Variants in SIDT2 observed in about 807,000 individuals in gnomAD.
SIDT2 encodes the protein SID1 transmembrane family member 2, also known as SID1 transmembrane family, member 2.
Under a neutral mutation model 114.4 loss-of-function variants are expected in SIDT2, and 68 were observed. The ratio of observed to expected loss-of-function variants is 0.59; its 90% CI spans 0.49 to 0.73. SIDT2 has a LOEUF of 0.73. Among genes scored for constraint, SIDT2 ranks in the 30% least tolerant of loss-of-function variants. The probability of loss-of-function intolerance (pLI) is 0.00; values close to 1 mark genes in which losing one functional copy is unlikely to be tolerated. For missense variants in SIDT2, 918 were observed against 1,097.1 expected (o/e 0.84, Z 2.31); for synonymous variants, 470 against 438.4 (o/e 1.07, Z -0.90).
rs139936720 is a variant in SIDT2, at chr11:117,196,263, G to A, written c.*197G>A. 1.9e-5 allele frequency: 13 copies of A among 689,804 alleles called. 1 individual carries two copies. Among genetic ancestry groups the A allele is most frequent in the African/African-American group, 1.3e-4 (7 of 55,588 alleles). The allele number at this position is 689,804 out of a possible 1,614,324, so 42.7% of individuals were successfully genotyped here. A position where few individuals can be genotyped will look rare whatever the true frequency, so the allele number is the denominator to read the frequency against. ...TGGAACCTTGCAGCTGCCCTCTGCC[G>A]AGGAGCAGGCCTGCTCCCCTGGAAC... On this transcript the variant is annotated 3_prime_UTR_variant, in exon 26 of 26. Transcript: ENST00000324225. This position sits in a 1 kb window ranked among gnomAD's most constrained non-coding sequence, Gnocchi z 4.9.
chr11:117,186,622 C>T lies in SIDT2; in HGVS notation c.1001C>T (p.Ala334Val). 6.4e-7 allele frequency: 1 copy of T among 1,568,826 alleles called. No homozygotes were observed. The highest frequency in any genetic ancestry group is 8.6e-7 in the Non-Finnish European group (1 of 1,161,414). Residue 334 changes from alanine (A) to valine (V), a missense_variant, in exon 10 of 26, where the codon GCC becomes GTC. Ala to Val is a moderately conservative substitution (Grantham distance 64, BLOSUM62 0). Transcript: ENST00000324225. ...ACCCTGCTGGTGGCCATTGACCGAG[C>T]CTGCCCAGAAAGCGGTACCTCCAGG... Reference protein sequence around the residue: ...KKTLLVAIDRACPESGHPRVL... With the variant: ...KKTLLVAIDRVCPESGHPRVL...
chr11:117,192,061 C>G lies in SIDT2; in HGVS notation c.1872+47C>G. ...CTCAGCCTGTATGATAGGAAAGGTGCACGTGCGTTCAGACACGTAGTGCAC... is the reference window on the plus strand; with the variant it reads ...CTCAGCCTGTATGATAGGAAAGGTGGACGTGCGTTCAGACACGTAGTGCAC... On this transcript the variant is annotated intron_variant, in intron 19 of 25. Transcript: ENST00000324225. This position sits in a 1 kb window ranked among gnomAD's most constrained non-coding sequence, Gnocchi z 5.9. 1 of 1,610,304 alleles carries G rather than the reference C, an allele frequency of 6.2e-7. No homozygotes were observed. The highest frequency in any genetic ancestry group is 8.5e-7 in the Non-Finnish European group (1 of 1,177,722).
intron 1 of SIDT2, among the ~76,000 whole-genome samples, chr11:117,180,127 T>C (rs2030219348): frequency 6.6e-6 from 1 of 152,134 alleles, no homozygotes; most frequent in South Asian, 2.1e-4. Flanking sequence ...AGAGCTGAGA[T>C]TGGGAGAATT....
Position 117,187,710 on chromosome 11 carries a change from C to T in SIDT2, c.1159+11C>T, listed in dbSNP as rs1565286700. 3 of 1,613,470 alleles carry T rather than the reference C, an allele frequency of 1.9e-6. No homozygotes were observed. The highest frequency in any genetic ancestry group is 1.3e-5 in the African/African-American group (1 of 74,868). Reference sequence around the variant, plus strand: ...CTTACGGTTACCAGGGTGAGTGGGCCAGGCTGGGAGGGGCGGTGTGGTGCA... The same window carrying T: ...CTTACGGTTACCAGGGTGAGTGGGCTAGGCTGGGAGGGGCGGTGTGGTGCA... On this transcript the variant is annotated intron_variant, in intron 12 of 25. Coordinates refer to ENST00000324225, the MANE Select transcript of SIDT2 (RefSeq NM_001040455.2).
At chr11:117,187,574 G>A in intron 11 of SIDT2, 54 bp from the exon 12 acceptor site, 1 of 1,604,230 alleles carries the variant, frequency 6.2e-7, no homozygotes, top group Non-Finnish European at 8.5e-7. Context: ...GATGCTCAGA[G>A]CCCCTTTCCC....
rs774747516 is a variant in SIDT2, at chr11:117,188,750, C to T, written c.1202C>T (p.Ser401Phe). The T allele has an allele frequency of 6.2e-7, 1 of 1,614,172 alleles. No individual in the cohort carries two copies. The highest frequency in any genetic ancestry group is 8.5e-7 in the Non-Finnish European group (1 of 1,180,022). The stretch of plus-strand genomic sequence containing the variant: ...GTAGGTACTCGGCCCCGAGTGGACT[C>T]CATGAGCTCTGTGGAGGAGGATGAC... ...EPVGTRPRVD[S>F]MSSVEEDDYD... The change falls in exon 13 of 26, where the codon TCC (serine) becomes TTC (phenylalanine). Residue 401 changes from serine to phenylalanine, a missense_variant. Coordinates refer to ENST00000324225, the MANE Select transcript of SIDT2 (RefSeq NM_001040455.2). The surrounding 1 kb of genome is among the most constrained non-coding windows in gnomAD (Gnocchi z 4.0).
chr11:117,190,800 CACTATCCCCA>C lies in SIDT2; in HGVS notation c.1735+62_1735+71del. 5.1e-6 allele frequency: 7 copies of C among 1,360,046 alleles called. No homozygotes were observed. The South Asian group carries it at 7.0e-5, about 14-fold the overall frequency. 84.2% of individuals were successfully genotyped at this position (1,360,046 alleles called of 1,614,324 possible). ...ACAGCAGGGACCTGCCTGAGTCCTTCACTATCCCCAAGTCACCCACAGGGATCGCTAAGAC... is the reference window on the plus strand; with the variant it reads ...ACAGCAGGGACCTGCCTGAGTCCTTCAGTCACCCACAGGGATCGCTAAGAC... On this transcript the variant is annotated intron_variant, in intron 18 of 25. Coordinates refer to ENST00000324225, the MANE Select transcript of SIDT2 (RefSeq NM_001040455.2). This position sits in a 1 kb window ranked among gnomAD's most constrained non-coding sequence, Gnocchi z 4.1.
At chr11:117,189,656 A>G (rs1283261542) in intron 15 of SIDT2, 6 of 600,766 alleles carry the variant, frequency 1.0e-5, no homozygotes, top group Admixed American at 3.0e-5. Context: ...TTATGAAACC[A>G]AAGTCCTGGG....
intron 18 of SIDT2, chr11:117,191,625 G>C (rs2030705109): frequency 7.5e-6 from 4 of 530,632 alleles, no homozygotes; most frequent in Non-Finnish European, 1.3e-5. Context: ...GGTGCTCACA[G>C]ACTAAGACAC....
At position 117,196,120 on chromosome 11, in the gene SIDT2, T is replaced by C. The variant is rs893101658; in HGVS notation, c.*54T>C. The C allele has an allele frequency of 1.1e-5, 18 of 1,610,476 alleles. No homozygotes were observed. In the African/African-American group the frequency reaches 1.9e-4, roughly 17 times the overall value. On this transcript the variant is annotated 3_prime_UTR_variant, in exon 26 of 26. Coordinates refer to ENST00000324225, the MANE Select transcript of SIDT2 (RefSeq NM_001040455.2). The surrounding 1 kb of genome is among the most constrained non-coding windows in gnomAD (Gnocchi z 4.9). ...AGGGGCCCTGAGCTCCTTTGTGTCA[T>C]AGACCGGTCACTCTGTCGTGCTGTG...
rs553620682 is a variant in SIDT2, at chr11:117,179,311, C to T, written c.48C>T (p.Val16=). The T allele has an allele frequency of 1.8e-5, 29 of 1,614,148 alleles. No homozygotes were observed. In the South Asian group the frequency reaches 3.1e-4, roughly 17 times the overall value. Residue 16 remains valine, a synonymous_variant, in exon 1 of 26, where the codon GTC becomes GTT. Transcript: ENST00000324225. ...LPFLVLLVAS[V]ESHLGVLGPK... ...TCTTGGTGCTCTTGGTGGCCTCGGT[C>T]GAGAGCCATCTGGGGGTTCTGGGGC...
At position 117,188,609 on chromosome 11, in the gene SIDT2, C is replaced by T. The variant is rs1338510094; in HGVS notation, c.1160-99C>T. On this transcript the variant is annotated intron_variant, in intron 12 of 25. Transcript: ENST00000324225. The surrounding 1 kb of genome is among the most constrained non-coding windows in gnomAD (Gnocchi z 4.0). ...AGGCCCAGCCCACAATTTGCCTCTT[C>T]CCTACTGCCTAATAATTGTTACAAT... 2.1e-6 allele frequency: 2 copies of T among 937,376 alleles called. No homozygotes were observed. Among genetic ancestry groups the T allele is most frequent in the Non-Finnish European group, 3.4e-6 (2 of 581,876 alleles). The allele number at this position is 937,376 out of a possible 1,614,324, so 58.1% of individuals were successfully genotyped here.
intron 18 of SIDT2, chr11:117,191,409 C>T (rs911081595): frequency 1.3e-5 from 2 of 159,000 alleles, no homozygotes; most frequent in African/African-American, 4.8e-5. Context: ...CATGGTGAAA[C>T]CCCATCTCTA....
At chr11:117,193,368 G>A in intron 23 of SIDT2, 110 bp downstream of exon 23, 1 of 970,904 alleles carries the variant, frequency 1.0e-6, no homozygotes, top group Non-Finnish European at 1.6e-6. Context: ...CATCTTTGCT[G>A]GTTGCGGAGG....
chr11:117,179,135 G>C lies in SIDT2; in HGVS notation c.-129G>C. ...GGGGACATTTCCTAATCTCAGGCCG[G>C]GGTTAAAGTTCTGGTCCTGGTGAGA... On this transcript the variant is annotated 5_prime_UTR_variant, in exon 1 of 26. Coordinates refer to ENST00000324225, the MANE Select transcript of SIDT2 (RefSeq NM_001040455.2). The C allele has an allele frequency of 1.2e-6, 1 of 858,278 alleles. No homozygotes were observed. The highest frequency in any genetic ancestry group is 1.8e-6 in the Non-Finnish European group (1 of 567,278). 53.2% of individuals were successfully genotyped at this position (858,278 alleles called of 1,614,324 possible).
Position 117,179,257 on chromosome 11 carries a change from CGGGGCCATGTTCGCTCT to C in SIDT2, c.-3_14del, listed in dbSNP as rs767881846. 1 of 1,606,504 alleles carries C rather than the reference CGGGGCCATGTTCGCTCT, an allele frequency of 6.2e-7. No individual in the cohort carries two copies. Among genetic ancestry groups the C allele is most frequent in the Non-Finnish European group, 8.5e-7 (1 of 1,176,144 alleles). ...ACCACCGCTGCCACTGCCGCCCTGC[CGGGGCCATGTTCGCTCT>C]GGGCTTGCCCTTCTTGGTGCTCTTG... On this transcript the variant is annotated start_lost and 5_prime_UTR_variant, in exon 1 of 26. Transcript: ENST00000324225.
chr11:117,182,855 G>A lies in SIDT2; in HGVS notation c.702+49G>A, dbSNP rs1173319893. On this transcript the variant is annotated intron_variant, in intron 6 of 25. Transcript: ENST00000324225. ...GGGAGGTGTGGCTGGGCGATAAGCT[G>A]TGTAGCTTTCCAAACTTGAGCTCTT... 5.7e-6 allele frequency: 9 copies of A among 1,573,376 alleles called. No individual in the cohort carries two copies. In the South Asian group the frequency reaches 8.1e-5, roughly 14 times the overall value.
intron 4 of SIDT2, 189 bp from the exon 5 acceptor site, chr11:117,182,330 G>A: frequency 1.4e-6 from 1 of 707,564 alleles, no homozygotes; most frequent in South Asian, 1.8e-5. Context: ...TGAGTGCCCT[G>A]CTGAGGTTGA....
rs529220716 is a variant in SIDT2 at position 117,189,122 on chromosome 11, C to T, written c.1279-47C>T. 1.3e-5 allele frequency: 20 copies of T among 1,588,184 alleles called. No homozygotes were observed. In the South Asian group the frequency reaches 1.9e-4, roughly 15 times the overall value. ...TCCACCTCTAACCTGGGGGAGGGGG[C>T]TTCTCCCAAGTAGCAGTAAGTGGGG... On this transcript the variant is annotated intron_variant, in intron 13 of 25. Coordinates refer to ENST00000324225, the MANE Select transcript of SIDT2 (RefSeq NM_001040455.2).
Sources: allele counts gnomAD v4.1 joint callset (sites outside exome capture counted in the v4.1 genomes callset), GRCh38; gene constraint gnomAD v4.1.1; non-coding constraint Gnocchi (gnomAD v3.1); transcripts MANE v1.5; gene names NCBI Gene and HGNC (gene_info 2026-07-23, HGNC 2026-07-21).